The following SGCZ variants were observed in gnomAD, a reference collection of about 807,000 sequenced individuals.
The protein encoded by SGCZ is zeta-sarcoglycan.
A neutral mutation model predicts 41.3 loss-of-function variants in SGCZ; 40 were observed. The ratio of observed to expected loss-of-function variants is 0.97; its 90% CI spans 0.75 to 1.26. The LOEUF (loss-of-function observed/expected upper bound fraction) is 1.26. Ranked by LOEUF, SGCZ falls within the 50% of genes most tolerant of loss-of-function variation. The probability of loss-of-function intolerance (pLI) is 0.00; values close to 1 mark genes in which losing one functional copy is unlikely to be tolerated. For synonymous variants in SGCZ, 206 were observed against 137.5 expected (o/e 1.50, Z -3.49); for missense variants, 552 against 369.8 (o/e 1.49, Z -4.04).
intron 1 of SGCZ, among the ~76,000 whole-genome samples, chr8:15,134,506 A>G (rs935027111): frequency 6.6e-6 from 1 of 151,878 alleles, no homozygotes; most frequent in African/African-American, 2.4e-5. Context: ...AAAATAGCGC[A>G]TTTTTTTTCC....
intron 1 of SGCZ, among the ~76,000 whole-genome samples, chr8:14,943,913 T>C (rs1019998517): frequency 6.6e-6 from 1 of 152,190 alleles, no homozygotes; most frequent in Non-Finnish European, 1.5e-5. Context: ...CGTAATCTTG[T>C]TCTTTTTTAT....
intron 1 of SGCZ, among the ~76,000 whole-genome samples, chr8:14,559,756 A>G (rs1804151717): frequency 6.6e-6 from 1 of 152,130 alleles, no homozygotes; most frequent in Non-Finnish European, 1.5e-5. Flanking sequence ...AAAATATCAT[A>G]ATTTTAAATG....
chr8:14,909,184 T>C (rs906234204), intron 1 of SGCZ, among the ~76,000 whole-genome samples: 3 of 152,192 alleles, frequency 2.0e-5, no homozygotes, highest in Non-Finnish European at 2.9e-5. Context: ...ATTACTATAA[T>C]TTTCAATTAG....
intron 6 of SGCZ, among the ~76,000 whole-genome samples, chr8:14,105,051 A>G (rs550422794): frequency 2.8e-4 from 42 of 152,240 alleles, no homozygotes; most frequent in African/African-American, 9.1e-4. Flanking sequence ...TTAATGTAAG[A>G]AATAAAAACA....
At chr8:14,762,373 T>C (rs1295716178) in intron 1 of SGCZ, among the ~76,000 whole-genome samples, 1 of 124,912 alleles carries the variant, frequency 8.0e-6, no homozygotes, top group African/African-American at 2.6e-5. Flanking sequence ...ACTAGTAGTG[T>C]ACTTTGGCAA....
At chr8:14,099,419 G>GACTC (rs1311380282) in intron 7 of SGCZ, among the ~76,000 whole-genome samples, 1 of 152,106 alleles carries the variant, frequency 6.6e-6, no homozygotes, top group Non-Finnish European at 1.5e-5. Context: ...TCCGGCCCGG[G>GACTC]ACTCACAAAA....
intron 1 of SGCZ, among the ~76,000 whole-genome samples, chr8:15,039,822 C>T (rs994119104): frequency 1.3e-5 from 2 of 152,152 alleles, no homozygotes; most frequent in African/African-American, 4.8e-5. Context: ...TTCCATTTTA[C>T]ATACGTATGT....
rs989028242 is a variant in SGCZ at position 14,085,339 on chromosome 8, T to C, written c.*5104A>G. On this transcript the variant is annotated 3_prime_UTR_variant, in exon 8 of 8. Transcript: ENST00000382080. Reference sequence around the variant, plus strand: ...TGAATAGTGGACCTGATTTAAAGAATTGTATAAATAACGAGACACTCAAAC... The same window carrying C: ...TGAATAGTGGACCTGATTTAAAGAACTGTATAAATAACGAGACACTCAAAC... Among the ~76,000 whole-genome samples, 4 of 151,760 alleles carry C rather than the reference T, an allele frequency of 2.6e-5. No homozygotes were observed. Among genetic ancestry groups the C allele is most frequent in the Non-Finnish European group, 5.9e-5 (4 of 67,814 alleles).
At chr8:14,630,150 A>G (rs868840060) in intron 1 of SGCZ, among the ~76,000 whole-genome samples, 23 of 152,148 alleles carry the variant, frequency 1.5e-4, no homozygotes, top group African/African-American at 5.5e-4. Context: ...AAGCAAAATG[A>G]ATCTTTGCAT....
intron 2 of SGCZ, among the ~76,000 whole-genome samples, chr8:14,361,267 C>G (rs567647501): frequency 6.6e-6 from 1 of 152,152 alleles, no homozygotes; most frequent in Admixed American, 6.5e-5. Context: ...GGATAATATC[C>G]TGAAGAGCAT....
intron 1 of SGCZ, among the ~76,000 whole-genome samples, chr8:14,843,698 G>A (rs76071677): frequency 0.013 from 1,997 of 151,896 alleles, 98 homozygotes; most frequent in Admixed American, 0.092. Context: ...TAAAAAAATT[G>A]CAAATTAAAT....
intron 1 of SGCZ, among the ~76,000 whole-genome samples, chr8:14,571,576 T>C (rs575121598): frequency 6.6e-6 from 1 of 152,288 alleles, no homozygotes; most frequent in East Asian, 1.9e-4. Context: ...AATTTTTTTT[T>C]CTGACTGCAT....
chr8:14,284,429 T>C (rs190981320), intron 3 of SGCZ, among the ~76,000 whole-genome samples: 4 of 151,628 alleles, frequency 2.6e-5, no homozygotes, highest in Admixed American at 6.6e-5. Context: ...CTTATTTTAG[T>C]ATAGGTTTAC....
At chr8:15,201,413 A>G (rs960835612) in intron 1 of SGCZ, among the ~76,000 whole-genome samples, 2 of 152,200 alleles carry the variant, frequency 1.3e-5, no homozygotes, top group African/African-American at 4.8e-5. Context: ...ATTATACATA[A>G]TACTTGCAAC....
chr8:14,282,712 C>T (rs1210388326), intron 3 of SGCZ, among the ~76,000 whole-genome samples: 1 of 152,132 alleles, frequency 6.6e-6, no homozygotes, highest in Non-Finnish European at 1.5e-5. Context: ...AATGTTCCTT[C>T]TGCAATATTT....
At chr8:14,767,292 C>T (rs371261956) in intron 1 of SGCZ, among the ~76,000 whole-genome samples, 85 of 152,284 alleles carry the variant, frequency 5.6e-4, no homozygotes, top group African/African-American at 1.9e-3. Context: ...GACTGAATCA[C>T]AGGAGAGTGT....
chr8:14,296,808 T>C (rs1451336938), intron 3 of SGCZ, among the ~76,000 whole-genome samples: 1 of 152,070 alleles, frequency 6.6e-6, no homozygotes, highest in African/African-American at 2.4e-5. Context: ...ATTAGACGAA[T>C]TTAAAAATAC....
intron 1 of SGCZ, among the ~76,000 whole-genome samples, chr8:15,041,639 A>G (rs1396555448): frequency 2.0e-5 from 3 of 152,108 alleles, no homozygotes; most frequent in African/African-American, 7.2e-5. Context: ...AATATATTTT[A>G]TAGCTTTCCT....
intron 1 of SGCZ, among the ~76,000 whole-genome samples, chr8:14,882,059 G>A (rs903991835): frequency 6.6e-6 from 1 of 152,158 alleles, no homozygotes; most frequent in Admixed American, 6.6e-5. Context: ...TGAATTTCTG[G>A]GACGCAGCAA....
Sources: allele counts gnomAD v4.1 joint callset (sites outside exome capture counted in the v4.1 genomes callset), GRCh38; gene constraint gnomAD v4.1.1; transcripts MANE v1.5; gene names NCBI Gene and HGNC (gene_info 2026-07-23, HGNC 2026-07-21).